GPM6A: variants seen among roughly 807,000 people sequenced by gnomAD.
The protein encoded by GPM6A is glycoprotein M6A, also known as neuronal membrane glycoprotein M6-a.
In GPM6A, 7 loss-of-function variants were observed where a neutral mutation model predicts 32.1. The observed-to-expected ratio is 0.22, with a 90% confidence interval of 0.12 to 0.41. The LOEUF is 0.41. Ranked by LOEUF, GPM6A falls within the 10% of genes least tolerant of loss-of-function variation. GPM6A has a pLI of 1.00. For missense variants in GPM6A, 235 were observed against 347.2 expected (o/e 0.68, Z 2.57); for synonymous variants, 130 against 123.4 (o/e 1.05, Z -0.35).
chr4:175,882,220 CA>C (rs1275074496), intron 1 of GPM6A, among the ~76,000 whole-genome samples: 1 of 151,884 alleles, frequency 6.6e-6, no homozygotes, highest in Non-Finnish European at 1.5e-5. Context: ...CTAAAAATAT[CA>C]ATTACTATTT....
intron 1 of GPM6A, chr4:175,790,476 T>G (rs530233017): frequency 5.9e-5 from 9 of 152,330 alleles, no homozygotes; most frequent in South Asian, 4.1e-4. Flanking sequence ...CAAGTATGAT[T>G]CTTTTTATCC....
intron 1 of GPM6A, among the ~76,000 whole-genome samples, chr4:175,870,491 A>T (rs189780977): frequency 6.6e-6 from 1 of 152,342 alleles, no homozygotes; most frequent in African/African-American, 2.4e-5. Flanking sequence ...AACAATAAAA[A>T]TAATGTATAT....
chr4:175,666,799 A>T (rs1742779015), intron 3 of GPM6A, among the ~76,000 whole-genome samples: 1 of 152,216 alleles, frequency 6.6e-6, no homozygotes, highest in South Asian at 2.1e-4. Flanking sequence ...AATGTGAATG[A>T]ATGTATCCAG....
chr4:175,831,718 T>TTTTTG (rs1735618675), intron 1 of GPM6A, among the ~76,000 whole-genome samples: 1 of 132,584 alleles, frequency 7.5e-6, no homozygotes, highest in Non-Finnish European at 1.6e-5. Context: ...GCCATCTCTT[T>TTTTTG]TTTTTTTTTT....
chr4:175,744,749 T>C (rs1365619550), intron 1 of GPM6A, among the ~76,000 whole-genome samples: 1 of 152,162 alleles, frequency 6.6e-6, no homozygotes, highest in Non-Finnish European at 1.5e-5. Context: ...CCTTCAACGT[T>C]AGCTGTCCAT....
At chr4:175,809,131 A>G (rs779693478) in intron 1 of GPM6A, among the ~76,000 whole-genome samples, 11 of 152,194 alleles carry the variant, frequency 7.2e-5, no homozygotes, top group Non-Finnish European at 1.5e-4. Flanking sequence ...AGAAACCCAA[A>G]AATCATTTAC....
intron 1 of GPM6A, among the ~76,000 whole-genome samples, chr4:175,715,803 A>G (rs565446043): frequency 4.7e-4 from 72 of 151,926 alleles, no homozygotes; most frequent in African/African-American, 1.7e-3. Flanking sequence ...ATGGTGGCTC[A>G]TACTGTAATC....
At chr4:175,714,472 C>G (rs1560891945) in intron 1 of GPM6A, among the ~76,000 whole-genome samples, 1 of 152,074 alleles carries the variant, frequency 6.6e-6, no homozygotes, top group Non-Finnish European at 1.5e-5. Context: ...CAGCCTTGAC[C>G]TCCAGGACTC....
At chr4:175,649,388 A>G (rs1044990389) in intron 4 of GPM6A, among the ~76,000 whole-genome samples, 1 of 152,218 alleles carries the variant, frequency 6.6e-6, no homozygotes, top group Non-Finnish European at 1.5e-5. Flanking sequence ...AGTTGAAAAT[A>G]TTAAGAAGGT....
At chr4:175,755,032 GA>G (rs888661067) in intron 1 of GPM6A, among the ~76,000 whole-genome samples, 27 of 150,250 alleles carry the variant, frequency 1.8e-4, no homozygotes, top group African/African-American at 6.1e-4. Context: ...AAGAATTAAA[GA>G]AAAAAATCTT....
chr4:175,904,722 A>C (rs1400116996), intron 1 of GPM6A, among the ~76,000 whole-genome samples: 1 of 152,148 alleles, frequency 6.6e-6, no homozygotes, highest in Non-Finnish European at 1.5e-5. Context: ...GAAAAAATAA[A>C]TAACTAATTG....
chr4:175,752,129 G>A (rs1732359426), intron 1 of GPM6A, among the ~76,000 whole-genome samples: 1 of 151,946 alleles, frequency 6.6e-6, no homozygotes, highest in Admixed American at 6.6e-5. Flanking sequence ...AATTCAGTCT[G>A]GTCTACCTAG....
At chr4:175,976,157 CTTT>C (rs1355808343) in intron 1 of GPM6A, among the ~76,000 whole-genome samples, 2,749 of 135,672 alleles carry the variant, frequency 0.02, 43 homozygotes, top group African/African-American at 0.047. Flanking sequence ...AATATGTCGT[CTTT>C]TTTTTTTTTT....
intron 1 of GPM6A, among the ~76,000 whole-genome samples, chr4:175,913,070 T>TC (rs1217848943): frequency 6.6e-6 from 1 of 152,218 alleles, no homozygotes; most frequent in African/African-American, 2.4e-5. Context: ...ATTTACTAAC[T>TC]CTTCTGCATG....
intron 1 of GPM6A, among the ~76,000 whole-genome samples, chr4:175,874,396 T>C (rs1252924196): frequency 1.3e-5 from 2 of 152,004 alleles, no homozygotes; most frequent in Admixed American, 1.3e-4. Flanking sequence ...GCCAACGGGG[T>C]TCTGGACGCT....
At chr4:175,984,632 A>AT (rs1209747304) in intron 1 of GPM6A, among the ~76,000 whole-genome samples, 1 of 152,084 alleles carries the variant, frequency 6.6e-6, no homozygotes, top group African/African-American at 2.4e-5. Context: ...ATTTGTCAGT[A>AT]TTTTTTATTA....
chr4:175,690,050 C>T (rs1744211959), intron 2 of GPM6A, among the ~76,000 whole-genome samples: 1 of 152,132 alleles, frequency 6.6e-6, no homozygotes, highest in Admixed American at 6.5e-5. Flanking sequence ...TTGTGCTCAC[C>T]TGGAGTACTG....
intron 1 of GPM6A, among the ~76,000 whole-genome samples, chr4:175,765,854 A>G (rs140039873): frequency 6.6e-6 from 1 of 152,124 alleles, no homozygotes; most frequent in African/African-American, 2.4e-5. Flanking sequence ...CTGTTCTAGA[A>G]CCTTCTCAAA....
chr4:175,822,490 G>T (rs1735305981), intron 1 of GPM6A, among the ~76,000 whole-genome samples: 2 of 152,124 alleles, frequency 1.3e-5, no homozygotes, highest in African/African-American at 4.8e-5. Flanking sequence ...ACAATAAAGT[G>T]ATAGAAGTAT....
Sources: allele counts gnomAD v4.1 joint callset (sites outside exome capture counted in the v4.1 genomes callset), GRCh38; gene constraint gnomAD v4.1.1; transcripts MANE v1.5; gene names NCBI Gene and HGNC (gene_info 2026-07-23, HGNC 2026-07-21).